The following PDXDC1 variants were observed in gnomAD, a reference collection of about 807,000 sequenced individuals.
PDXDC1 encodes pyridoxal dependent decarboxylase domain containing 1.
A neutral mutation model predicts 100.1 loss-of-function variants in PDXDC1; 42 were observed. The observed-to-expected ratio is 0.42, with a 90% CI of 0.33 to 0.54. PDXDC1 has a LOEUF of 0.54. Ranked by LOEUF, PDXDC1 falls within the 20% of genes least tolerant of loss-of-function variation. The probability of loss-of-function intolerance (pLI) is 0.10; values close to 1 mark genes in which losing one functional copy is unlikely to be tolerated. For synonymous variants in PDXDC1, 260 were observed against 371.7 expected (o/e 0.70, Z 3.46); for missense variants, 636 against 979.2 (o/e 0.65, Z 4.68).
chr16:15,030,680 C>T (rs1355151560), intron 16 of PDXDC1, among the ~76,000 whole-genome samples: 1 of 151,210 alleles, frequency 6.6e-6, no homozygotes, highest in Admixed American at 6.6e-5. Flanking sequence ...ACCTCCTGGG[C>T]TCAAGTGATC....
intron 16 of PDXDC1, among the ~76,000 whole-genome samples, chr16:15,109,758 A>C (rs1448845251): frequency 7.1e-6 from 1 of 141,124 alleles, no homozygotes; most frequent in Non-Finnish European, 1.6e-5. Context: ...AAGCTGAGGC[A>C]GAATTGCTTC....
intron 16 of PDXDC1, among the ~76,000 whole-genome samples, chr16:15,126,201 A>C (rs1298639706): frequency 6.6e-6 from 1 of 150,712 alleles, no homozygotes; most frequent in Non-Finnish European, 1.5e-5. Context: ...TGCCCAGCTG[A>C]TTTTTTGTAT....
chr16:15,015,039 G>A (rs1255304560), intron 8 of PDXDC1, among the ~76,000 whole-genome samples: 2 of 152,230 alleles, frequency 1.3e-5, no homozygotes, highest in South Asian at 2.1e-4. Flanking sequence ...CCAGGTTCAC[G>A]CCATTCTCCC....
intron 16 of PDXDC1, among the ~76,000 whole-genome samples, chr16:15,123,051 G>A (rs1201533351): frequency 4.6e-5 from 7 of 150,724 alleles, no homozygotes; most frequent in African/African-American, 1.5e-4. Flanking sequence ...AAGGGAGCGT[G>A]AGGCTTAGGA....
At chr16:14,999,680 A>C (rs1365898359) in intron 3 of PDXDC1, among the ~76,000 whole-genome samples, 1 of 152,262 alleles carries the variant, frequency 6.6e-6, no homozygotes, top group Non-Finnish European at 1.5e-5. Flanking sequence ...TATTGTTTTC[A>C]TAATGTAAAT....
chr16:14,987,127 G>C (rs1430191686), intron 1 of PDXDC1, among the ~76,000 whole-genome samples: 1 of 152,294 alleles, frequency 6.6e-6, no homozygotes, highest in Non-Finnish European at 1.5e-5. Context: ...TCTGGATGAT[G>C]AGTTTACGGC....
chr16:15,091,317 T>C (rs1567228583), intron 16 of PDXDC1: 2 of 1,601,726 alleles, frequency 1.2e-6, no homozygotes, highest in Non-Finnish European at 1.7e-6. Context: ...TTAATTACCT[T>C]TATGTCTGGA....
chr16:14,977,462 TAG>T (rs1162460108), intron 1 of PDXDC1, among the ~76,000 whole-genome samples: 1 of 152,254 alleles, frequency 6.6e-6, no homozygotes, highest in Non-Finnish European at 1.5e-5. Context: ...GTATTCCCAG[TAG>T]AGATGGGGTT....
intron 16 of PDXDC1, among the ~76,000 whole-genome samples, chr16:15,081,429 A>G (rs945859463): frequency 1.3e-5 from 2 of 152,160 alleles, no homozygotes; most frequent in Non-Finnish European, 2.9e-5. Context: ...GTGGGCATGA[A>G]GTGAAATCAT....
At chr16:14,996,194 T>C (rs1971924960) in intron 1 of PDXDC1, among the ~76,000 whole-genome samples, 1 of 152,280 alleles carries the variant, frequency 6.6e-6, no homozygotes. Flanking sequence ...TTAGGTCCCT[T>C]CTAGAATGTA....
At chr16:15,091,444 G>A (rs895360897) in intron 16 of PDXDC1, 34 of 953,926 alleles carry the variant, frequency 3.6e-5, no homozygotes, top group Admixed American at 1.3e-4. Flanking sequence ...ACTTTTAACC[G>A]TACTTTAACA....
chr16:15,004,680 C>T (rs1218065960), intron 5 of PDXDC1, among the ~76,000 whole-genome samples: 1 of 152,344 alleles, frequency 6.6e-6, no homozygotes, highest in South Asian at 2.1e-4. Context: ...ACAGTTGTCC[C>T]TTATCCTTGG....
chr16:14,978,413 A>G (rs1256368719), intron 1 of PDXDC1, among the ~76,000 whole-genome samples: 1 of 152,300 alleles, frequency 6.6e-6, no homozygotes, highest in Non-Finnish European at 1.5e-5. Context: ...TTTTTGAGAC[A>G]GGATCTCTCT....
chr16:14,985,155 G>T (rs868866574), intron 1 of PDXDC1, among the ~76,000 whole-genome samples: 9 of 152,272 alleles, frequency 5.9e-5, no homozygotes, highest in Non-Finnish European at 8.8e-5. Flanking sequence ...GGGATTACAG[G>T]TGTGAGCCAC....
At chr16:14,983,260 T>C (rs1389394398) in intron 1 of PDXDC1, among the ~76,000 whole-genome samples, 1 of 152,294 alleles carries the variant, frequency 6.6e-6, no homozygotes, top group African/African-American at 2.4e-5. Flanking sequence ...TTCTTTGTTA[T>C]AGAGGCTGCT....
chr16:15,044,260 G>A, intron 16 of PDXDC1: 2 of 1,013,774 alleles, frequency 2.0e-6, no homozygotes, highest in Non-Finnish European at 3.1e-6. Context: ...GTACCAATTG[G>A]GATTTTTAAC....
At chr16:14,991,373 C>T (rs1384853025) in intron 1 of PDXDC1, among the ~76,000 whole-genome samples, 2 of 152,210 alleles carry the variant, frequency 1.3e-5, no homozygotes, top group Admixed American at 1.3e-4. Context: ...TCATGGCTCA[C>T]CACCAGAGCC....
At chr16:15,000,303 A>C (rs1161700270) in intron 3 of PDXDC1, among the ~76,000 whole-genome samples, 2 of 152,282 alleles carry the variant, frequency 1.3e-5, no homozygotes, top group Admixed American at 1.3e-4. Context: ...AGGCACAGCT[A>C]AGTGCCATAC....
chr16:15,141,377 G>A (rs146357833), downstream of PDXDC1, among the ~76,000 whole-genome samples: 452 of 152,348 alleles, frequency 3.0e-3, 1 homozygote, highest in African/African-American at 0.011. Flanking sequence ...CCCCAGCCAC[G>A]GACGGTGGAG....
Sources: gnomAD v4.1 joint callset for allele counts (sites outside exome capture counted in the v4.1 genomes callset) on GRCh38, gnomAD v4.1.1 for gene constraint, MANE v1.5 for transcripts, NCBI Gene and HGNC (gene_info 2026-07-23, HGNC 2026-07-21) for gene names.